ARHGEF18: variants seen among roughly 807,000 people sequenced by gnomAD.
The protein encoded by ARHGEF18 is rho guanine nucleotide exchange factor 18.
Under a neutral mutation model 155.7 loss-of-function variants are expected in ARHGEF18, and 93 were observed. That is an observed-to-expected ratio of 0.60 (90% confidence interval 0.50 to 0.71). ARHGEF18 has a LOEUF of 0.71. Ranked by LOEUF, ARHGEF18 falls within the 30% of genes least tolerant of loss-of-function variation. ARHGEF18 has a pLI of 0.00. For missense variants in ARHGEF18, 1,593 were observed against 1,816.1 expected, an observed-to-expected ratio of 0.88 and a Z score of 2.23; for synonymous variants, 742 against 753.1, an observed-to-expected ratio of 0.99 and a Z score of 0.24.
Position 7,463,894 on chromosome 19 carries a change from A to G in ARHGEF18, c.2712A>G (p.Thr904=), listed in dbSNP as rs753986251. 6 of 1,599,826 alleles carry G rather than the reference A, an allele frequency of 3.8e-6. No individual in the cohort carries two copies. Among genetic ancestry groups the G allele is most frequent in the Non-Finnish European group, 5.1e-6 (6 of 1,173,862 alleles). ...AGGCGGAAGACGGAGGCAGCTCCAC[A>G]GGCCCGCCCAGGAGGGCTGAGACCT... The part of the protein sequence containing the change: ...NGQAEDGGSS[T]GPPRRAETFA... The change falls in exon 22 of 29, where the codon ACA becomes ACG. Residue 904 remains threonine, a synonymous_variant. Coordinates refer to ENST00000668164, the MANE Select transcript of ARHGEF18 (RefSeq NM_001367823.1). The surrounding 1 kb of genome is among the most constrained non-coding windows in gnomAD (Gnocchi z 5.2).
chr19:7,475,530 A>ACACACACACACACACACACAAC (rs1339487078), downstream of ARHGEF18, among the ~76,000 whole-genome samples: 1 of 150,746 alleles, frequency 6.6e-6, no homozygotes, highest in Non-Finnish European at 1.5e-5. Flanking sequence ...GTTTAAACAC[A>ACACACACACACACACACACAAC]CACACACACA....
In ARHGEF18 at chr19:7,448,069, C is replaced by T. The variant is rs565812272; in HGVS notation, c.1737+901C>T. 8.5e-5 allele frequency among the ~76,000 whole-genome samples: 13 copies of T among 152,298 alleles called. No homozygotes were observed. In the South Asian group the frequency reaches 2.7e-3, roughly 32 times the overall value. ...CCAGGCCACGGTGGCCCCTGAGAGA[C>T]CCCTGCAGCTCAGTATGGGACCTGC... On this transcript the variant is annotated intron_variant, in intron 15 of 28. Transcript: ENST00000668164.
intron 15 of ARHGEF18, among the ~76,000 whole-genome samples, chr19:7,449,862 G>A (rs1053109657): frequency 6.6e-6 from 1 of 152,040 alleles, no homozygotes; most frequent in African/African-American, 2.4e-5. Context: ...ATTTTTTGTA[G>A]AGATGGGGTC....
chr19:7,385,476 TA>T (rs1970957121), intron 10 of ARHGEF18, among the ~76,000 whole-genome samples: 1 of 145,656 alleles, frequency 6.9e-6, no homozygotes, highest in African/African-American at 2.6e-5. Context: ...TTATTATTAT[TA>T]TTATTATTAT....
chr19:7,352,612 C>G (rs1278073106), intron 1 of ARHGEF18, among the ~76,000 whole-genome samples: 11 of 134,038 alleles, frequency 8.2e-5, no homozygotes, highest in Non-Finnish European at 1.5e-4. Context: ...GGGCTCACTG[C>G]AAGCTCCACC....
At chr19:7,360,202 C>T (rs971344357) in intron 1 of ARHGEF18, among the ~76,000 whole-genome samples, 7 of 151,882 alleles carry the variant, frequency 4.6e-5, no homozygotes, top group Admixed American at 4.6e-4. Flanking sequence ...TCACACAACC[C>T]TGGCATTTCT....
chr19:7,449,837 C>G (rs751579184), intron 15 of ARHGEF18, among the ~76,000 whole-genome samples: 6 of 151,942 alleles, frequency 3.9e-5, no homozygotes, highest in Non-Finnish European at 7.4e-5. Context: ...GCCACCATGC[C>G]CAGCTAATAT....
At chr19:7,446,914 A>T in intron 14 of ARHGEF18, 129 bp from the exon 15 acceptor site, 26 of 1,180,892 alleles carry the variant, frequency 2.2e-5, no homozygotes, top group African/African-American at 3.3e-5. Context: ...AAAAAAAAGA[A>T]GAAGAAAGAA....
chr19:7,422,716 CTTTTTT>C (rs67634093), intron 10 of ARHGEF18, among the ~76,000 whole-genome samples: 14 of 111,210 alleles, frequency 1.3e-4, no homozygotes, highest in East Asian at 1.1e-3. Context: ...TCTAACTTTT[CTTTTTT>C]TTTTTTTTTT....
downstream of ARHGEF18, chr19:7,477,479 G>C: frequency 7.4e-7 from 1 of 1,359,082 alleles, no homozygotes; most frequent in Non-Finnish European, 9.5e-7. Context: ...GCTCACACCT[G>C]CCTGCCCTTC....
At chr19:7,423,198 G>A (rs939498401) in intron 10 of ARHGEF18, among the ~76,000 whole-genome samples, 2 of 152,048 alleles carry the variant, frequency 1.3e-5, no homozygotes, top group African/African-American at 4.8e-5. Context: ...TGCACGGTCC[G>A]GTCTGCGTTC....
At chr19:7,355,013 C>T (rs920194298) in intron 1 of ARHGEF18, among the ~76,000 whole-genome samples, 1 of 151,776 alleles carries the variant, frequency 6.6e-6, no homozygotes, top group Non-Finnish European at 1.5e-5. Flanking sequence ...ACAGATCTCC[C>T]CAAGACACAG....
intron 1 of ARHGEF18, among the ~76,000 whole-genome samples, chr19:7,353,814 A>G (rs1009762642): frequency 4.6e-5 from 7 of 151,608 alleles, no homozygotes; most frequent in Non-Finnish European, 8.8e-5. Flanking sequence ...TTAGCTGGGC[A>G]TGGTGGTGCA....
chr19:7,410,678 C>T (rs1229408057), intron 10 of ARHGEF18, among the ~76,000 whole-genome samples: 5 of 151,638 alleles, frequency 3.3e-5, no homozygotes, highest in Non-Finnish European at 5.9e-5. Flanking sequence ...GGTGTGGTGG[C>T]ATGCACCTAT....
At chr19:7,428,448 A>C (rs1170295749) in intron 10 of ARHGEF18, among the ~76,000 whole-genome samples, 1 of 152,046 alleles carries the variant, frequency 6.6e-6, no homozygotes, top group Non-Finnish European at 1.5e-5. Context: ...GCTGGAGTGC[A>C]GTGGTGCGAT....
At chr19:7,455,621 A>C (rs568841003) in intron 17 of ARHGEF18, among the ~76,000 whole-genome samples, 1 of 152,262 alleles carries the variant, frequency 6.6e-6, no homozygotes, top group South Asian at 2.1e-4. Context: ...CTCCGTTCAC[A>C]TCTGAGACAT....
Position 7,432,990 on chromosome 19 carries a change from G to A in ARHGEF18, c.968-7354G>A, listed in dbSNP as rs546494447. ...GCCTGGGCGACATAATGAGACCCCC[G>A]TTGCTACAGAAAAATTTTAAATTAG... On this transcript the variant is annotated intron_variant, in intron 10 of 28. Transcript: ENST00000668164. Among the ~76,000 whole-genome samples the A allele has an allele frequency of 2.0e-3, 305 of 151,790 alleles. 3 individuals carry two copies. Among genetic ancestry groups the A allele is most frequent in the African/African-American group, 6.6e-3 (274 of 41,422 alleles).
Position 7,395,361 on chromosome 19 carries a change from C to T in ARHGEF18, c.967+12158C>T, listed in dbSNP as rs1971638962. The T allele has an allele frequency of 1.0e-6, 1 of 968,798 alleles. No individual in the cohort carries two copies. Among genetic ancestry groups the T allele is most frequent in the Non-Finnish European group, 1.2e-6 (1 of 814,882 alleles). 60.0% of individuals were successfully genotyped at this position (968,798 alleles called of 1,614,324 possible). A position where few individuals can be genotyped will look rare whatever the true frequency, so the allele number is the denominator to read the frequency against. On this transcript the variant is annotated intron_variant, in intron 10 of 28. Coordinates refer to ENST00000668164, the MANE Select transcript of ARHGEF18 (RefSeq NM_001367823.1). The surrounding 1 kb of genome is among the most constrained non-coding windows in gnomAD (Gnocchi z 5.0). ...CCCCGGGGCTGCCTCGGGCCTCCCG[C>T]CGGCTCCTGGGGGACTTCTCCAGGC...
At chr19:7,428,566 T>G (rs1206635348) in intron 10 of ARHGEF18, among the ~76,000 whole-genome samples, 2 of 151,892 alleles carry the variant, frequency 1.3e-5, no homozygotes. Context: ...CCAAAGATAA[T>G]GGCCCTGAAG....
Sources: gnomAD v4.1 joint callset for allele counts (sites outside exome capture counted in the v4.1 genomes callset) on GRCh38, gnomAD v4.1.1 for gene constraint, Gnocchi (gnomAD v3.1) non-coding constraint, MANE v1.5 for transcripts, NCBI Gene and HGNC (gene_info 2026-07-23, HGNC 2026-07-21) for gene names.